The following SPATA31F1 variants were observed in gnomAD, a reference collection of about 807,000 sequenced individuals.
The protein encoded by SPATA31F1 is SPATA31 subfamily F member 1.
chr9:34,726,512 C>T, the SPATA31F1 span: 3 of 1,551,712 alleles, frequency 1.9e-6, no homozygotes, highest in Non-Finnish European at 2.6e-6. Flanking sequence ...CTGGACAAGG[C>T]TGGGGTTGCT....
At chr9:34,723,198 G>T in the SPATA31F1 span, 2 of 1,540,720 alleles carry the variant, frequency 1.3e-6, no homozygotes, top group South Asian at 2.4e-5. Context: ...TCCTTGAGCG[G>T]ACCAATGTTT....
the SPATA31F1 span, among the ~76,000 whole-genome samples, chr9:34,727,691 T>C: frequency 6.6e-6 from 1 of 152,216 alleles, no homozygotes; most frequent in African/African-American, 2.4e-5. Flanking sequence ...AAGGATGACT[T>C]CTTTATTCAA....
At chr9:34,728,065 C>G in the SPATA31F1 span, 1 of 1,551,976 alleles carries the variant, frequency 6.4e-7, no homozygotes, top group African/African-American at 1.4e-5. Flanking sequence ...TCAGCTTCTT[C>G]CCGGGAACGT....
the SPATA31F1 span, chr9:34,725,411 T>A: frequency 8.4e-7 from 1 of 1,185,926 alleles, no homozygotes; most frequent in South Asian, 1.5e-5. Flanking sequence ...CTGCTGGATC[T>A]TCTGAGGCAG....
chr9:34,723,526 G>T, the SPATA31F1 span: 3 of 1,551,662 alleles, frequency 1.9e-6, no homozygotes, highest in African/African-American at 4.1e-5. Context: ...CCTTCGCAGC[G>T]GCTGAGAACA....
At chr9:34,724,897 A>T in the SPATA31F1 span, 3 of 1,550,068 alleles carry the variant, frequency 1.9e-6, no homozygotes, top group Non-Finnish European at 1.7e-6. Flanking sequence ...GGAAGGCCAG[A>T]TGCTTGTGCC....
chr9:34,723,591 AT>A, the SPATA31F1 span: 1 of 1,551,732 alleles, frequency 6.4e-7, no homozygotes, highest in Non-Finnish European at 8.7e-7. Flanking sequence ...TGCAGAAAAC[AT>A]TTAATTTTAT....
the SPATA31F1 span, chr9:34,723,926 A>G: frequency 6.4e-7 from 1 of 1,551,566 alleles, no homozygotes; most frequent in Non-Finnish European, 8.7e-7. Flanking sequence ...GGGATCAGCA[A>G]GATGAAAGCT....
At chr9:34,723,960 G>A in the SPATA31F1 span, 8 of 1,550,934 alleles carry the variant, frequency 5.2e-6, no homozygotes, top group Admixed American at 7.9e-5. Flanking sequence ...CAGGACCCTC[G>A]GGGTGTCTTG....
At chr9:34,723,624 G>GAA in the SPATA31F1 span, 1 of 1,551,724 alleles carries the variant, frequency 6.4e-7, no homozygotes, top group Non-Finnish European at 8.7e-7. Flanking sequence ...GACTCTGTAA[G>GAA]GCTGGGCTTC....
chr9:34,728,152 G>A, the SPATA31F1 span: 1 of 1,404,602 alleles, frequency 7.1e-7, no homozygotes, highest in Non-Finnish European at 9.8e-7. Flanking sequence ...AAGCTGAATA[G>A]TAAGGCCTTT....
the SPATA31F1 span, chr9:34,726,987 G>A: frequency 6.5e-7 from 1 of 1,544,052 alleles, no homozygotes; most frequent in Non-Finnish European, 8.8e-7. Flanking sequence ...AGCCAGCCCT[G>A]GCTAGGAAGG....
the SPATA31F1 span, chr9:34,727,958 C>T: frequency 2.0e-6 from 3 of 1,486,372 alleles, no homozygotes; most frequent in Non-Finnish European, 1.8e-6. Context: ...CTGCCCCAGG[C>T]CAAGCCAAGA....
At chr9:34,726,423 G>A in the SPATA31F1 span, 5 of 1,550,742 alleles carry the variant, frequency 3.2e-6, no homozygotes, top group South Asian at 1.2e-5. Flanking sequence ...AAGGCCATTG[G>A]ATGCATCCGG....
the SPATA31F1 span, chr9:34,727,934 C>T: frequency 1.6e-6 from 2 of 1,251,168 alleles, no homozygotes; most frequent in South Asian, 1.4e-5. Flanking sequence ...CAGCCATTAT[C>T]TTTCTCCTTA....
At chr9:34,728,712 C>CA in the SPATA31F1 span, 5 of 1,430,254 alleles carry the variant, frequency 3.5e-6, no homozygotes, top group Non-Finnish European at 4.8e-6. Flanking sequence ...TTCTCATGTC[C>CA]AAAATGAGAC....
the SPATA31F1 span, chr9:34,723,147 T>A: frequency 6.9e-7 from 1 of 1,451,868 alleles, no homozygotes; most frequent in Non-Finnish European, 9.1e-7. Context: ...GCTGCAGCAG[T>A]TGGGGAGCCT....
At chr9:34,723,548 T>C in the SPATA31F1 span, 2 of 1,551,834 alleles carry the variant, frequency 1.3e-6, no homozygotes, top group East Asian at 4.9e-5. Flanking sequence ...GGAGTCCTCA[T>C]GCCCTTTGCC....
the SPATA31F1 span, chr9:34,723,662 C>A: frequency 6.4e-7 from 1 of 1,551,476 alleles, no homozygotes; most frequent in African/African-American, 1.4e-5. Context: ...CATCACCAGC[C>A]CATGCAAAAC....
Sources: gnomAD v4.1 joint callset for allele counts (sites outside exome capture counted in the v4.1 genomes callset) on GRCh38, gnomAD v4.1.1 for gene constraint, MANE v1.5 for transcripts, NCBI Gene and HGNC (gene_info 2026-07-23, HGNC 2026-07-21) for gene names.